SLC43A2: variants seen among roughly 807,000 people sequenced by gnomAD.
SLC43A2 encodes solute carrier family 43 member 2.
Under a neutral mutation model 63.2 loss-of-function variants are expected in SLC43A2, and 38 were observed. The observed-to-expected ratio is 0.60, with a 90% CI of 0.46 to 0.79. The LOEUF (loss-of-function observed/expected upper bound fraction) is 0.79. Ranked by LOEUF, SLC43A2 falls within the 30% of genes least tolerant of loss-of-function variation. The pLI is 0.00. For synonymous variants in SLC43A2, 322 were observed against 331.0 expected (o/e 0.97, Z 0.30); for missense variants, 644 against 756.2 (o/e 0.85, Z 1.74).
At chr17:1,621,421 A>G (rs1240359871) in intron 2 of SLC43A2, among the ~76,000 whole-genome samples, 3 of 152,124 alleles carry the variant, frequency 2.0e-5, no homozygotes, top group African/African-American at 7.2e-5. Flanking sequence ...GCCCCTGCCC[A>G]GGATCTCCCG....
In SLC43A2 at chr17:1,583,432, T is replaced by G. The variant is rs927140026; in HGVS notation, c.1218-96A>C. 13 of 1,565,476 alleles carry G rather than the reference T, an allele frequency of 8.3e-6. No homozygotes were observed. Among genetic ancestry groups the G allele is most frequent in the Non-Finnish European group, 1.1e-5 (13 of 1,155,596 alleles). On this transcript the variant is annotated intron_variant, in intron 10 of 13. Coordinates refer to ENST00000301335, the MANE Select transcript of SLC43A2 (RefSeq NM_152346.3). The surrounding 1 kb of genome is among the most constrained non-coding windows in gnomAD (Gnocchi z 5.5). ...GCCTCAAGCGTCGCAGCAGGTAAAC[T>G]GACGCAAGACTCAGAAGCCACCCAG...
Position 1,616,589 on chromosome 17 carries a change from C to T in SLC43A2, c.341G>A (p.Gly114Asp). 1 of 1,613,530 alleles carries T rather than the reference C, an allele frequency of 6.2e-7. No individual in the cohort carries two copies. The highest frequency in any genetic ancestry group is 8.5e-7 in the Non-Finnish European group (1 of 1,179,774). The change falls in exon 3 of 14, where the codon GGC becomes GAC. Residue 114 changes from glycine to aspartate, a missense_variant. Gly to Asp is a moderately conservative substitution (Grantham distance 94). This residue lies in a region of SLC43A2 where 528 missense variants were observed against 623.6 expected (regional missense o/e 0.85). Coordinates refer to ENST00000301335, the MANE Select transcript of SLC43A2 (RefSeq NM_152346.3). ...LPLGIVMDKY[G>D]PRKLRLLGSA... ...GCCCAGCAGCCTGAGCTTCCTCGGG[C>T]CATACTTGTCCATGACGATACCCAG...
At position 1,570,057 on chromosome 17, in the gene SLC43A2, T is replaced by A. The variant is rs1017743799; in HGVS notation, c.*5547A>T. The A allele has an allele frequency of 8.0e-5, 12 of 150,786 alleles. No homozygotes were observed. Among genetic ancestry groups the A allele is most frequent in the African/African-American group, 2.9e-4 (12 of 40,912 alleles). 9.3% of individuals were successfully genotyped at this position (150,786 alleles called of 1,614,324 possible). ...TACCCACCACCACGCCCAGCTAATTTTTTTTTTTCGTATTTTTAGTAGAGA... is the reference window on the plus strand; with the variant it reads ...TACCCACCACCACGCCCAGCTAATTATTTTTTTTCGTATTTTTAGTAGAGA... On this transcript the variant is annotated 3_prime_UTR_variant, in exon 14 of 14. Transcript: ENST00000301335.
intron 9 of SLC43A2, chr17:1,586,928 T>TGGCGCC: frequency 1.6e-6 from 2 of 1,232,916 alleles, no homozygotes; most frequent in Non-Finnish European, 2.2e-6. Flanking sequence ...TCCCTGACAA[T>TGGCGCC]CCCCCCCACC....
At position 1,605,530 on chromosome 17, in the gene SLC43A2, G is replaced by A. The variant is rs568471011; in HGVS notation, c.501+7665C>T. Among the ~76,000 whole-genome samples the A allele has an allele frequency of 1.2e-4, 18 of 151,234 alleles. No homozygotes were observed. The East Asian group carries it at 3.3e-3, about 28-fold the overall frequency. ...TGACTTTCCACATCCACGGACTCCC[G>A]AGTCCTCCCTGGCCTGCAGGAGGCT... On this transcript the variant is annotated intron_variant, in intron 5 of 13. Coordinates refer to ENST00000301335, the MANE Select transcript of SLC43A2 (RefSeq NM_152346.3). This position sits in a 1 kb window ranked among gnomAD's most constrained non-coding sequence, Gnocchi z 4.9.
intron 5 of SLC43A2, among the ~76,000 whole-genome samples, chr17:1,602,211 T>C (rs1906118850): frequency 6.6e-6 from 1 of 152,170 alleles, no homozygotes; most frequent in African/African-American, 2.4e-5. Context: ...CTCACTCTAT[T>C]GCCCAGGCTG....
chr17:1,614,025 C>A (rs550823532), intron 4 of SLC43A2, among the ~76,000 whole-genome samples: 1 of 152,128 alleles, frequency 6.6e-6, no homozygotes, highest in Non-Finnish European at 1.5e-5. Context: ...AGGTGGATCA[C>A]GAGGTCAGGA....
chr17:1,628,025 C>T (rs1276810465), intron 1 of SLC43A2, 105 bp from the exon 2 acceptor site: 23 of 1,114,656 alleles, frequency 2.1e-5, no homozygotes, highest in Non-Finnish European at 2.5e-5. Flanking sequence ...CACCCCTCCC[C>T]GGCCGCGGCG....
chr17:1,588,962 C>A (rs1904490194), intron 9 of SLC43A2, among the ~76,000 whole-genome samples: 1 of 152,226 alleles, frequency 6.6e-6, no homozygotes, highest in South Asian at 2.1e-4. Context: ...CACACCCCCT[C>A]CTGCGGAGCC....
At chr17:1,623,055 G>A (rs557888735) in intron 2 of SLC43A2, among the ~76,000 whole-genome samples, 15 of 152,318 alleles carry the variant, frequency 9.8e-5, no homozygotes, top group Middle Eastern at 3.4e-3. Flanking sequence ...ACAGTGAGCC[G>A]AGACTGCGCC....
At chr17:1,618,022 C>T (rs1907834849) in intron 2 of SLC43A2, among the ~76,000 whole-genome samples, 1 of 152,248 alleles carries the variant, frequency 6.6e-6, no homozygotes, top group South Asian at 2.1e-4. Flanking sequence ...AGGAAACGCT[C>T]TTCTTCCGGT....
chr17:1,614,845 G>C (rs920399702), intron 4 of SLC43A2, 134 bp downstream of exon 4: 1 of 850,430 alleles, frequency 1.2e-6, no homozygotes, highest in Non-Finnish European at 1.9e-6. Flanking sequence ...GAGTAGAGGC[G>C]TAACAGGTGT....
chr17:1,591,483 GGA>G lies in SLC43A2; in HGVS notation c.729-14_729-13del. 1 of 1,612,722 alleles carries G rather than the reference GGA, an allele frequency of 6.2e-7. No individual in the cohort carries two copies. Among genetic ancestry groups the G allele is most frequent in the Admixed American group, 1.7e-5 (1 of 60,016 alleles). The stretch of plus-strand genomic sequence containing the variant: ...ACTTGATCTTCACCCTGGGGCCCCG[GGA>G]GAGTGTCTGTGGGTGCTGCCCGGGA... On this transcript the variant is annotated splice_polypyrimidine_tract_variant and intron_variant, in intron 7 of 13. Transcript: ENST00000301335.
At chr17:1,620,494 G>A (rs1908050708) in intron 2 of SLC43A2, among the ~76,000 whole-genome samples, 1 of 152,134 alleles carries the variant, frequency 6.6e-6, no homozygotes, top group Admixed American at 6.5e-5. Context: ...CTTTTACCCT[G>A]GAGCGACTAC....
In SLC43A2 at chr17:1,573,344, C is replaced by G. The variant is rs1010320606; in HGVS notation, c.*2260G>C. 1 of 152,246 alleles carries G rather than the reference C, an allele frequency of 6.6e-6. No homozygotes were observed. The highest frequency in any genetic ancestry group is 1.5e-5 in the Non-Finnish European group (1 of 68,078). The allele number at this position is 152,246 out of a possible 1,614,324, so 9.4% of individuals were successfully genotyped here. On this transcript the variant is annotated 3_prime_UTR_variant, in exon 14 of 14. Transcript: ENST00000301335. ...GGAGTCTCCATTTGGAACCAGCACCCGGGAGCCTCTGCTGGGGGTGATCAT... is the reference window on the plus strand; with the variant it reads ...GGAGTCTCCATTTGGAACCAGCACCGGGGAGCCTCTGCTGGGGGTGATCAT...
Position 1,575,263 on chromosome 17 carries a change from T to G in SLC43A2, c.*341A>C, listed in dbSNP as rs2075904680. On this transcript the variant is annotated 3_prime_UTR_variant, in exon 14 of 14. Coordinates refer to ENST00000301335, the MANE Select transcript of SLC43A2 (RefSeq NM_152346.3). ...GCAGGGGATGGCAGCCCCCTCTGCT[T>G]TGGCAAGAGGCAGAATCCAGACACT... 6 of 389,334 alleles carry G rather than the reference T, an allele frequency of 1.5e-5. No individual in the cohort carries two copies. The highest frequency in any genetic ancestry group is 2.9e-5 in the Non-Finnish European group (6 of 210,402). 24.1% of individuals were successfully genotyped at this position (389,334 alleles called of 1,614,324 possible).
At chr17:1,601,470 T>C (rs4423477) in intron 5 of SLC43A2, among the ~76,000 whole-genome samples, 138,886 of 152,108 alleles carry the variant, frequency 0.91, 64,056 homozygotes, top group Non-Finnish European at 0.97. Flanking sequence ...ACAACCCCGC[T>C]GGAAACAACC....
At chr17:1,610,432 T>TA (rs765722123) in intron 5 of SLC43A2, among the ~76,000 whole-genome samples, 3,249 of 130,590 alleles carry the variant, frequency 0.025, 112 homozygotes, top group African/African-American at 0.078. Context: ...CCTGGCTAAT[T>TA]AAAAAAAAAA....
At chr17:1,591,739 G>GGGGGGGGGGC in intron 6 of SLC43A2, 40 bp from the exon 7 acceptor site, 9 of 512,296 alleles carry the variant, frequency 1.8e-5, no homozygotes, top group East Asian at 4.1e-5. Context: ...GGGGGAGGGG[G>GGGGGGGGGGC]CAGAGTTAGC....
Sources: gnomAD v4.1 joint callset for allele counts (sites outside exome capture counted in the v4.1 genomes callset) on GRCh38, gnomAD v4.1.1 for gene constraint, gnomAD v4.1.1 regional missense constraint, Gnocchi (gnomAD v3.1) non-coding constraint, MANE v1.5 for transcripts, NCBI Gene and HGNC (gene_info 2026-07-23, HGNC 2026-07-21) for gene names.